The following PAK1 variants were observed in gnomAD, a reference collection of about 807,000 sequenced individuals.
PAK1 encodes p21 (RAC1) activated kinase 1.
A neutral mutation model predicts 67.4 loss-of-function variants in PAK1; 29 were observed. The observed-to-expected ratio is 0.43, with a 90% CI of 0.32 to 0.59. PAK1 has a LOEUF of 0.59. PAK1 is among the 20% of genes least tolerant of loss of function. The pLI, the probability that PAK1 is intolerant of heterozygous loss-of-function variation, is 0.07. For synonymous variants in PAK1, 223 were observed against 237.4 expected (o/e 0.94, Z 0.56); for missense variants, 337 against 670.7 (o/e 0.50, Z 5.50).
chr11:77,435,267 T>C (rs1002559750), intron 1 of PAK1, among the ~76,000 whole-genome samples: 3 of 152,176 alleles, frequency 2.0e-5, no homozygotes, highest in Non-Finnish European at 4.4e-5. Context: ...ACAACTATGG[T>C]AGAATGGCAA....
At chr11:77,382,202 A>G (rs1181534448) in intron 2 of PAK1, among the ~76,000 whole-genome samples, 1 of 152,224 alleles carries the variant, frequency 6.6e-6, no homozygotes, top group East Asian at 1.9e-4. Context: ...AAACTTTGGT[A>G]AAGGAGACCC....
intron 1 of PAK1, chr11:77,408,112 T>C (rs1240800115): frequency 6.6e-6 from 1 of 152,268 alleles, no homozygotes; most frequent in Non-Finnish European, 1.5e-5. Context: ...TGCCCTCTTC[T>C]GCATTATCAC....
intron 8 of PAK1, among the ~76,000 whole-genome samples, chr11:77,350,379 C>T (rs1243794710): frequency 2.0e-5 from 3 of 152,198 alleles, no homozygotes; most frequent in East Asian, 1.9e-4. Context: ...TAAGTATATA[C>T]ACATTCATAT....
chr11:77,421,145 C>T (rs1310331321), intron 1 of PAK1, among the ~76,000 whole-genome samples: 1 of 152,138 alleles, frequency 6.6e-6, no homozygotes, highest in Non-Finnish European at 1.5e-5. Context: ...TCTACCTCCT[C>T]CCCTCATCTC....
intron 5 of PAK1, among the ~76,000 whole-genome samples, chr11:77,360,916 A>G (rs1467132821): frequency 6.6e-6 from 1 of 152,182 alleles, no homozygotes; most frequent in Non-Finnish European, 1.5e-5. Flanking sequence ...AGCTAGAGAG[A>G]TGTAAGGAAT....
At chr11:77,329,915 T>G (rs1489411889) in intron 14 of PAK1, among the ~76,000 whole-genome samples, 3 of 152,206 alleles carry the variant, frequency 2.0e-5, no homozygotes, top group Admixed American at 6.5e-5. Context: ...CTCCTCAAGC[T>G]GATAAGCAAC....
At chr11:77,421,270 C>T (rs999865053) in intron 1 of PAK1, among the ~76,000 whole-genome samples, 2 of 152,234 alleles carry the variant, frequency 1.3e-5, no homozygotes, top group African/African-American at 4.8e-5. Flanking sequence ...GGCCTTCATA[C>T]CCTATGGTGA....
chr11:77,503,760 G>A, the PAK1 span, among the ~76,000 whole-genome samples: 1 of 152,176 alleles, frequency 6.6e-6, no homozygotes, highest in African/African-American at 2.4e-5. Flanking sequence ...AGCTACTCTG[G>A]AGGAACACTT....
At chr11:77,387,534 T>G (rs1950606527) in intron 2 of PAK1, among the ~76,000 whole-genome samples, 1 of 152,202 alleles carries the variant, frequency 6.6e-6, no homozygotes, top group Non-Finnish European at 1.5e-5. Context: ...GCAACTTACT[T>G]TTCTCTAAGC....
chr11:77,456,521 T>A (rs940513623), intron 1 of PAK1, among the ~76,000 whole-genome samples: 14 of 152,314 alleles, frequency 9.2e-5, no homozygotes, highest in Non-Finnish European at 2.1e-4. Flanking sequence ...AAGGCTTATA[T>A]TCTAATTGAA....
intron 6 of PAK1, chr11:77,356,393 C>A (rs1319217962): frequency 1.3e-5 from 2 of 152,346 alleles, no homozygotes; most frequent in African/African-American, 4.8e-5. Context: ...TGAACCCTTG[C>A]AGGGAAGGAA....
At chr11:77,326,861 A>G (rs1402144493) in intron 14 of PAK1, among the ~76,000 whole-genome samples, 3 of 152,222 alleles carry the variant, frequency 2.0e-5, no homozygotes, top group Non-Finnish European at 4.4e-5. Context: ...ATTCGAATCA[A>G]TGGCAAAGAA....
At chr11:77,353,246 A>G (rs183904076) in intron 8 of PAK1, 1 of 318,362 alleles carries the variant, frequency 3.1e-6, no homozygotes, top group South Asian at 5.9e-5. Flanking sequence ...CATCCGGAAA[A>G]GCAGAGTTGT....
intron 4 of PAK1, among the ~76,000 whole-genome samples, chr11:77,378,413 T>C (rs1949378139): frequency 6.6e-6 from 1 of 152,196 alleles, no homozygotes; most frequent in Admixed American, 6.5e-5. Context: ...TATTCTTTAT[T>C]GGCCTGTTTT....
intron 1 of PAK1, among the ~76,000 whole-genome samples, chr11:77,416,749 C>G (rs569471498): frequency 3.3e-5 from 5 of 152,266 alleles, no homozygotes; most frequent in South Asian, 2.1e-4. Flanking sequence ...GTCAGGAGAT[C>G]AAGACCATCC....
At chr11:77,419,403 G>A (rs1955139394) in intron 1 of PAK1, among the ~76,000 whole-genome samples, 2 of 152,142 alleles carry the variant, frequency 1.3e-5, no homozygotes, top group African/African-American at 4.8e-5. Context: ...CATGGACCTT[G>A]GCCAGCAATG....
intron 1 of PAK1, among the ~76,000 whole-genome samples, chr11:77,414,848 T>C (rs1053040987): frequency 1.3e-5 from 2 of 152,212 alleles, no homozygotes; most frequent in African/African-American, 4.8e-5. Context: ...AATGACTTTT[T>C]AGATACAGCC....
chr11:77,468,329 T>C (rs148327280), intron 1 of PAK1, among the ~76,000 whole-genome samples: 2,032 of 152,298 alleles, frequency 0.013, 18 homozygotes, highest in Non-Finnish European at 0.017. Context: ...AATGAACCTC[T>C]GGTTCTTTCT....
chr11:77,352,316 C>T (rs976598715), intron 8 of PAK1, among the ~76,000 whole-genome samples: 7 of 152,136 alleles, frequency 4.6e-5, no homozygotes, highest in Admixed American at 2.0e-4. Context: ...ACAGTATCTG[C>T]TTTTTCATAT....
Sources: gnomAD v4.1 joint callset for allele counts (sites outside exome capture counted in the v4.1 genomes callset) on GRCh38, gnomAD v4.1.1 for gene constraint, MANE v1.5 for transcripts, NCBI Gene and HGNC (gene_info 2026-07-23, HGNC 2026-07-21) for gene names.